ENPP2: variants seen among roughly 807,000 people sequenced by gnomAD.
The protein encoded by ENPP2 is autotaxin.
ENPP2 carries 51 observed loss-of-function variants against 120.2 expected under a neutral mutation model. The ratio of observed to expected loss-of-function variants is 0.42; its 90% CI spans 0.34 to 0.54. The LOEUF (loss-of-function observed/expected upper bound fraction) is 0.54. Among genes scored for constraint, ENPP2 ranks in the 20% least tolerant of loss-of-function variants. The probability of loss-of-function intolerance (pLI) is 0.04; values close to 1 mark genes in which losing one functional copy is unlikely to be tolerated. For synonymous variants in ENPP2, 365 were observed against 366.4 expected (o/e 1.00, Z 0.04); for missense variants, 920 against 1,066.5 (o/e 0.86, Z 1.91).
At chr8:119,580,737 G>GA (rs1279687919) in intron 18 of ENPP2, 1 of 152,150 alleles carries the variant, frequency 6.6e-6, no homozygotes, top group Admixed American at 6.5e-5. Context: ...TAGGAAAATG[G>GA]AAAAAAATTC....
chr8:119,616,173 C>G (rs542857428), intron 8 of ENPP2, 92 bp downstream of exon 8: 201 of 1,185,406 alleles, frequency 1.7e-4, no homozygotes, highest in Non-Finnish European at 2.3e-4. Context: ...GGAAATTATA[C>G]GCATTTTTTC....
chr8:119,667,995 A>G (rs1308964528), intron 1 of ENPP2, among the ~76,000 whole-genome samples: 1 of 151,778 alleles, frequency 6.6e-6, no homozygotes, highest in Non-Finnish European at 1.5e-5. Context: ...CATCACCTTC[A>G]CCTTCCTCAT....
At chr8:119,618,892 T>TC (rs1351064576) in intron 5 of ENPP2, among the ~76,000 whole-genome samples, 3 of 151,334 alleles carry the variant, frequency 2.0e-5, no homozygotes, top group African/African-American at 7.3e-5. Context: ...CATTCCCCAC[T>TC]CCCCGCAAAG....
intron 1 of ENPP2, among the ~76,000 whole-genome samples, chr8:119,666,756 G>A (rs978289919): frequency 2.7e-5 from 4 of 147,320 alleles, no homozygotes; most frequent in African/African-American, 1.0e-4. Context: ...TTCCAGCCTG[G>A]GCAAAAAGAG....
intron 3 of ENPP2, among the ~76,000 whole-genome samples, chr8:119,623,517 C>T (rs1190067836): frequency 1.3e-5 from 2 of 152,086 alleles, no homozygotes. Context: ...ACTGCTACCC[C>T]TGCCCCTTTT....
intron 8 of ENPP2, among the ~76,000 whole-genome samples, chr8:119,613,958 A>G (rs1252439143): frequency 1.3e-5 from 2 of 151,826 alleles, no homozygotes; most frequent in Non-Finnish European, 1.5e-5. Context: ...AGAACACCCT[A>G]CTGTATAATA....
At chr8:119,637,210 A>T (rs1220450352) in intron 2 of ENPP2, among the ~76,000 whole-genome samples, 2 of 152,122 alleles carry the variant, frequency 1.3e-5, no homozygotes, top group African/African-American at 4.8e-5. Flanking sequence ...TGAAGAGAGC[A>T]TTTGCTGCAA....
intron 11 of ENPP2, among the ~76,000 whole-genome samples, chr8:119,599,688 T>G (rs1169998927): frequency 6.6e-6 from 1 of 152,174 alleles, no homozygotes; most frequent in Non-Finnish European, 1.5e-5. Context: ...TCTTCCACAA[T>G]GATGGCTGAG....
At chr8:119,563,219 G>A (rs145736967) in intron 23 of ENPP2, among the ~76,000 whole-genome samples, 31 of 152,164 alleles carry the variant, frequency 2.0e-4, no homozygotes, top group African/African-American at 5.8e-4. Flanking sequence ...CCTCAACCTG[G>A]CAGAGTAAGA....
intron 1 of ENPP2, among the ~76,000 whole-genome samples, chr8:119,665,327 T>G (rs1324577699): frequency 6.6e-6 from 1 of 152,188 alleles, no homozygotes; most frequent in Non-Finnish European, 1.5e-5. Context: ...AATATTCCAC[T>G]CTACAATGGA....
At chr8:119,619,705 AGATGC>A in intron 4 of ENPP2, among the ~76,000 whole-genome samples, 1 of 151,222 alleles carries the variant, frequency 6.6e-6, no homozygotes, top group African/African-American at 2.4e-5. Flanking sequence ...ACTTCCCTTT[AGATGC>A]TAAAAAAAAA....
chr8:119,569,033 T>C (rs1814729921), intron 21 of ENPP2, among the ~76,000 whole-genome samples: 1 of 152,200 alleles, frequency 6.6e-6, no homozygotes, highest in Non-Finnish European at 1.5e-5. Flanking sequence ...CCCTTGCACA[T>C]TAGAATTCCC....
intron 19 of ENPP2, among the ~76,000 whole-genome samples, chr8:119,577,771 A>C (rs1812445153): frequency 1.3e-5 from 2 of 152,188 alleles, no homozygotes; most frequent in African/African-American, 2.4e-5. Context: ...TGTCAGAGTA[A>C]CCAGTGCCAG....
At chr8:119,635,585 G>A (rs1291411334) in intron 2 of ENPP2, among the ~76,000 whole-genome samples, 1 of 152,160 alleles carries the variant, frequency 6.6e-6, no homozygotes, top group Non-Finnish European at 1.5e-5. Context: ...TCAGACATAT[G>A]AGAAAAAGAT....
At chr8:119,558,526 A>G (rs1398984269) in intron 24 of ENPP2, among the ~76,000 whole-genome samples, 1 of 152,152 alleles carries the variant, frequency 6.6e-6, no homozygotes, top group Non-Finnish European at 1.5e-5. Context: ...GTTGCAGATG[A>G]AAGACATTCA....
chr8:119,563,069 T>C (rs1281268462), intron 23 of ENPP2, 56 bp from the exon 24 acceptor site: 1 of 1,484,062 alleles, frequency 6.7e-7, no homozygotes, highest in Non-Finnish European at 9.3e-7. Flanking sequence ...TGAAGCTTTC[T>C]TTTTTAAATG....
chr8:119,646,576 G>A (rs1529780), intron 1 of ENPP2, among the ~76,000 whole-genome samples: 9 of 152,072 alleles, frequency 5.9e-5, no homozygotes, highest in East Asian at 1.9e-4. Context: ...ATCCCAGCTC[G>A]ACCACAGTTT....
At chr8:119,592,735 T>TTA (rs1813612214) in intron 12 of ENPP2, among the ~76,000 whole-genome samples, 7 of 151,540 alleles carry the variant, frequency 4.6e-5, no homozygotes, top group Non-Finnish European at 1.5e-5. Flanking sequence ...CTGACCTGTG[T>TTA]GTAGCTCTCC....
At chr8:119,618,049 T>G (rs950169172) in intron 5 of ENPP2, 2 of 254,798 alleles carry the variant, frequency 7.8e-6, no homozygotes, top group Non-Finnish European at 1.5e-5. Flanking sequence ...AAAAATACTC[T>G]GTCAGTCATT....
Sources: gnomAD v4.1 joint callset for allele counts (sites outside exome capture counted in the v4.1 genomes callset) on GRCh38, gnomAD v4.1.1 for gene constraint, MANE v1.5 for transcripts, NCBI Gene and HGNC (gene_info 2026-07-23, HGNC 2026-07-21) for gene names.